SLC8A1: variants seen among roughly 807,000 people sequenced by gnomAD.
SLC8A1 encodes solute carrier family 8 member A1, also known as sodium/calcium exchanger 1.
SLC8A1 carries 18 observed loss-of-function variants against 68.3 expected under a neutral mutation model. The observed-to-expected ratio is 0.26, with a 90% CI of 0.18 to 0.39. SLC8A1 has a LOEUF of 0.39. Among genes scored for constraint, SLC8A1 ranks in the 10% least tolerant of loss-of-function variants. The pLI is 1.00. For missense variants in SLC8A1, 985 were observed against 1,156.7 expected (o/e 0.85, Z 2.15); for synonymous variants, 475 against 415.5 (o/e 1.14, Z -1.74).
chr2:40,193,731 G>T (rs1456820788), intron 2 of SLC8A1, among the ~76,000 whole-genome samples: 16 of 152,012 alleles, frequency 1.1e-4, no homozygotes, highest in Admixed American at 6.6e-4. Flanking sequence ...ACTAACTCTA[G>T]AATAAAGCTT....
chr2:40,329,374 G>A (rs1228510280), intron 2 of SLC8A1, among the ~76,000 whole-genome samples: 1 of 152,110 alleles, frequency 6.6e-6, no homozygotes, highest in Admixed American at 6.6e-5. Flanking sequence ...CTTTCTGGAG[G>A]CCAAGTTAAT....
At chr2:40,362,901 G>A (rs1038026568) in intron 2 of SLC8A1, among the ~76,000 whole-genome samples, 1 of 152,146 alleles carries the variant, frequency 6.6e-6, no homozygotes, top group East Asian at 1.9e-4. Flanking sequence ...AGAACTCAAA[G>A]AAATTTTTTG....
At chr2:40,284,516 GACA>G (rs565521559) in intron 2 of SLC8A1, among the ~76,000 whole-genome samples, 43 of 142,052 alleles carry the variant, frequency 3.0e-4, no homozygotes, top group African/African-American at 1.0e-3. Context: ...AATATATATA[GACA>G]ACAATATCTA....
intron 2 of SLC8A1, among the ~76,000 whole-genome samples, chr2:40,367,323 T>C (rs1309543561): frequency 2.0e-5 from 3 of 152,030 alleles, no homozygotes; most frequent in Admixed American, 2.0e-4. Flanking sequence ...AACCTGGAAT[T>C]CCCTGACACT....
intron 2 of SLC8A1, among the ~76,000 whole-genome samples, chr2:40,208,028 G>T (rs1418569515): frequency 6.6e-6 from 1 of 152,058 alleles, no homozygotes; most frequent in Non-Finnish European, 1.5e-5. Context: ...CTCTCTTCTT[G>T]TAAACCAAGC....
At chr2:40,306,937 A>T (rs911047969) in intron 2 of SLC8A1, among the ~76,000 whole-genome samples, 1 of 152,130 alleles carries the variant, frequency 6.6e-6, no homozygotes. Context: ...CACTGCATTT[A>T]CTATAGTAAA....
chr2:40,430,743 T>C (rs1462559482), intron 1 of SLC8A1, among the ~76,000 whole-genome samples: 1 of 152,198 alleles, frequency 6.6e-6, no homozygotes, highest in Non-Finnish European at 1.5e-5. Flanking sequence ...TGTTAGTACA[T>C]CATCTTCCAA....
rs780434247 is a variant in SLC8A1 at position 40,347,763 on chromosome 2, A to T, written c.1808+80710T>A. On this transcript the variant is annotated intron_variant, in intron 2 of 7. Transcript: ENST00000406785. ...ACTCTTGAAACAAACTCCAAGTTTT[A>T]ATGACCAACAAAAGAGATCTTTAGT... Among the ~76,000 whole-genome samples the T allele has an allele frequency of 1.2e-4, 19 of 152,346 alleles. No homozygotes were observed. In the Middle Eastern group the frequency reaches 0.01, roughly 82 times the overall value.
chr2:40,252,515 G>A (rs976561151), intron 2 of SLC8A1, among the ~76,000 whole-genome samples: 1 of 152,020 alleles, frequency 6.6e-6, no homozygotes, highest in East Asian at 1.9e-4. Context: ...TGTGCCTTTA[G>A]TAGAGACAGG....
intron 2 of SLC8A1, among the ~76,000 whole-genome samples, chr2:40,275,217 G>A (rs2066542704): frequency 6.6e-6 from 1 of 152,156 alleles, no homozygotes; most frequent in Admixed American, 6.5e-5. Flanking sequence ...TGAGTAATCT[G>A]TATATACCTT....
At chr2:40,475,232 C>T (rs894320224) in intron 1 of SLC8A1, among the ~76,000 whole-genome samples, 12 of 152,238 alleles carry the variant, frequency 7.9e-5, no homozygotes, top group African/African-American at 2.6e-4. Flanking sequence ...CTCCCGGGTT[C>T]ACGCCATTCT....
intron 2 of SLC8A1, among the ~76,000 whole-genome samples, chr2:40,375,635 T>C: frequency 6.6e-6 from 1 of 152,038 alleles, no homozygotes. Context: ...CTAAAAGATA[T>C]TAAGGATTTC....
At chr2:40,482,459 G>C (rs994116336) in intron 1 of SLC8A1, among the ~76,000 whole-genome samples, 1 of 152,080 alleles carries the variant, frequency 6.6e-6, no homozygotes, top group African/African-American at 2.4e-5. Flanking sequence ...GGGCTTCTCT[G>C]AGGGCCTGAG....
At chr2:40,185,555 G>A (rs2050546474) in intron 2 of SLC8A1, among the ~76,000 whole-genome samples, 1 of 152,138 alleles carries the variant, frequency 6.6e-6, no homozygotes, top group African/African-American at 2.4e-5. Flanking sequence ...TCCAGAGACA[G>A]AAAGCAGATT....
intron 2 of SLC8A1, among the ~76,000 whole-genome samples, chr2:40,230,860 G>A (rs1240831917): frequency 2.6e-5 from 4 of 152,130 alleles, no homozygotes; most frequent in African/African-American, 9.7e-5. Flanking sequence ...GCCTCATATG[G>A]GAGGGAGTTC....
At chr2:40,265,026 G>C (rs898983582) in intron 2 of SLC8A1, among the ~76,000 whole-genome samples, 1 of 152,096 alleles carries the variant, frequency 6.6e-6, no homozygotes, top group Non-Finnish European at 1.5e-5. Context: ...ACTTGCTTTG[G>C]CTAATGAAAT....
At chr2:40,453,789 C>T (rs1312570798), upstream of SLC8A1, among the ~76,000 whole-genome samples, 2 of 152,138 alleles carry the variant, frequency 1.3e-5, no homozygotes, top group Admixed American at 1.3e-4. Flanking sequence ...TGGAGCAGGC[C>T]TGGGGTAGGC....
At chr2:40,488,834 T>G (rs1187876981) in intron 1 of SLC8A1, among the ~76,000 whole-genome samples, 2 of 152,124 alleles carry the variant, frequency 1.3e-5, no homozygotes, top group African/African-American at 4.8e-5. Flanking sequence ...ATTGAAATAG[T>G]TCAGTAGGAG....
At chr2:40,135,220 C>T (rs1201047586) in intron 7 of SLC8A1, among the ~76,000 whole-genome samples, 1 of 152,092 alleles carries the variant, frequency 6.6e-6, no homozygotes, top group Non-Finnish European at 1.5e-5. Context: ...AGAGTTTATC[C>T]TAAGTTAAAT....
Sources: allele counts gnomAD v4.1 joint callset (sites outside exome capture counted in the v4.1 genomes callset), GRCh38; gene constraint gnomAD v4.1.1; transcripts MANE v1.5; gene names NCBI Gene and HGNC (gene_info 2026-07-23, HGNC 2026-07-21).